SDK1: variants seen among roughly 807,000 people sequenced by gnomAD.
The protein encoded by SDK1 is protein sidekick-1.
SDK1 carries 157 observed loss-of-function variants against 245.5 expected under a neutral mutation model. That is an observed-to-expected ratio of 0.64 (90% CI 0.56 to 0.73). The LOEUF (loss-of-function observed/expected upper bound fraction) is 0.73, where lower values mean the gene tolerates loss of function less well. Among genes scored for constraint, SDK1 ranks in the 30% least tolerant of loss-of-function variants. The pLI, the probability that SDK1 is intolerant of heterozygous loss-of-function variation, is 0.00. For missense variants in SDK1, 3,583 were observed against 3,002.3 expected (o/e 1.19, Z -4.52); for synonymous variants, 1,647 against 1,278.5 (o/e 1.29, Z -6.15).
At chr7:3,584,186 T>C (rs1780607838) in intron 1 of SDK1, among the ~76,000 whole-genome samples, 1 of 152,198 alleles carries the variant, frequency 6.6e-6, no homozygotes, top group Admixed American at 6.5e-5. Flanking sequence ...GTGCTTGCTG[T>C]AAGGCTTCTT....
rs185821853 is a variant in SDK1, at chr7:3,544,151, C to A, written c.299-74929C>A. ...TAGCATCAATTTCATTTTTAAATGC[C>A]TGTGGAGACATGCTTGACTGCATAT... On this transcript the variant is annotated intron_variant, in intron 1 of 44. Transcript: ENST00000404826. Among the ~76,000 whole-genome samples, 12 of 152,264 alleles carry A rather than the reference C, an allele frequency of 7.9e-5. No individual in the cohort carries two copies. The East Asian group carries it at 2.1e-3, about 27-fold the overall frequency.
At chr7:3,642,494 C>T (rs1407081944) in intron 4 of SDK1, among the ~76,000 whole-genome samples, 2 of 151,906 alleles carry the variant, frequency 1.3e-5, no homozygotes, top group Admixed American at 1.3e-4. Context: ...TTTTTTTCCC[C>T]CTCCTTTTAT....
intron 5 of SDK1, among the ~76,000 whole-genome samples, chr7:3,830,010 G>C (rs1583457354): frequency 6.6e-6 from 1 of 152,150 alleles, no homozygotes; most frequent in African/African-American, 2.4e-5. Flanking sequence ...TGGTTGTTTT[G>C]TTATCAGTAA....
chr7:4,093,458 CAAAAA>C (rs71032922), intron 22 of SDK1, among the ~76,000 whole-genome samples: 62 of 77,762 alleles, frequency 8.0e-4, no homozygotes, highest in South Asian at 2.5e-3. Context: ...AAATGGAAAG[CAAAAA>C]AAAAAAAAAA....
chr7:4,058,050 G>C (rs574377061), intron 19 of SDK1, among the ~76,000 whole-genome samples: 1 of 151,856 alleles, frequency 6.6e-6, no homozygotes, highest in African/African-American at 2.4e-5. Flanking sequence ...TCTAGCAACA[G>C]ATTCCAATGA....
At chr7:3,906,464 A>T (rs567464752) in intron 5 of SDK1, among the ~76,000 whole-genome samples, 11 of 151,940 alleles carry the variant, frequency 7.2e-5, no homozygotes, top group African/African-American at 2.7e-4. Flanking sequence ...TGTTACATTC[A>T]TGGAACGCTC....
rs748524713 is a variant in SDK1 at position 3,951,757 on chromosome 7, G to A, written c.987G>A (p.Trp329Ter). 1.2e-6 allele frequency: 2 copies of A among 1,613,728 alleles called. No individual in the cohort carries two copies. The highest frequency in any genetic ancestry group is 1.7e-6 in the Non-Finnish European group (2 of 1,180,024). Residue 329 changes from tryptophan to a stop codon, truncating the protein, a stop_gained, in exon 7 of 45, where the codon TGG becomes TGA. Transcript: ENST00000404826. LOFTEE classifies it high-confidence loss of function. The stretch of plus-strand genomic sequence containing the variant: ...CTGTGGAGGACCTGAGTGTGACCTG[G>A]AAGAGGAATGGAGTGAGAATCACCA... ...ARPVEDLSVTWKRNGVRITSG... is the reference protein window; with the variant it reads ...ARPVEDLSVT
At chr7:3,757,109 C>G (rs1293898903) in intron 4 of SDK1, among the ~76,000 whole-genome samples, 2 of 152,134 alleles carry the variant, frequency 1.3e-5, no homozygotes, top group African/African-American at 4.8e-5. Flanking sequence ...AAACCAACTC[C>G]CAGCGTTAGC....
chr7:3,839,483 G>A (rs972581955), intron 5 of SDK1, among the ~76,000 whole-genome samples: 4 of 152,100 alleles, frequency 2.6e-5, no homozygotes, highest in East Asian at 1.9e-4. Context: ...GAATGCTGTC[G>A]AGGAATTGGG....
chr7:3,428,650 G>C (rs1010272071), intron 1 of SDK1, among the ~76,000 whole-genome samples: 6 of 152,090 alleles, frequency 3.9e-5, no homozygotes, highest in Non-Finnish European at 7.4e-5. Flanking sequence ...TGCTTAGCTT[G>C]GGCTAACCAT....
At chr7:4,070,529 G>A (rs1780181474) in intron 20 of SDK1, among the ~76,000 whole-genome samples, 1 of 152,054 alleles carries the variant, frequency 6.6e-6, no homozygotes, top group Non-Finnish European at 1.5e-5. Context: ...GTGGGAGACT[G>A]TGTTCCTACA....
At position 4,267,835 on chromosome 7, in the gene SDK1, C is replaced by T. The variant is rs978695456; in HGVS notation, c.*2451C>T. ...CGAGGCTACGCCGGCCTCCTGGCTG[C>T]TGCTGGACTGTGCTTAGGACAGCGC... On this transcript the variant is annotated 3_prime_UTR_variant, in exon 45 of 45. Transcript: ENST00000404826. 42 of 985,530 alleles carry T rather than the reference C, an allele frequency of 4.3e-5. No individual in the cohort carries two copies. The highest frequency in any genetic ancestry group is 4.7e-5 in the Non-Finnish European group (39 of 830,098). 61.0% of individuals were successfully genotyped at this position (985,530 alleles called of 1,614,324 possible).
chr7:3,516,889 G>T (rs1042007785), intron 1 of SDK1, among the ~76,000 whole-genome samples: 5 of 152,142 alleles, frequency 3.3e-5, no homozygotes, highest in African/African-American at 1.2e-4. Context: ...ATGAAAAAGT[G>T]CTCATTTCAA....
intron 4 of SDK1, among the ~76,000 whole-genome samples, chr7:3,660,275 G>A (rs1583281573): frequency 6.6e-6 from 1 of 151,914 alleles, no homozygotes; most frequent in African/African-American, 2.4e-5. Context: ...AAAGGGATGG[G>A]GTAGCCAGGA....
At chr7:3,854,609 T>C (rs1780496025) in intron 5 of SDK1, among the ~76,000 whole-genome samples, 1 of 152,226 alleles carries the variant, frequency 6.6e-6, no homozygotes, top group African/African-American at 2.4e-5. Flanking sequence ...CATGAAATTT[T>C]AGAGTCACAT....
At chr7:3,832,950 A>G (rs1277232715) in intron 5 of SDK1, among the ~76,000 whole-genome samples, 1 of 152,076 alleles carries the variant, frequency 6.6e-6, no homozygotes, top group Non-Finnish European at 1.5e-5. Context: ...TTGCCCAGGA[A>G]TAACTAGCAA....
intron 21 of SDK1, among the ~76,000 whole-genome samples, chr7:4,077,612 T>C (rs142720642): frequency 3.7e-4 from 56 of 152,258 alleles, no homozygotes; most frequent in African/African-American, 1.1e-3. Context: ...TTCCGTATGG[T>C]TGGGGAGGCC....
intron 1 of SDK1, among the ~76,000 whole-genome samples, chr7:3,419,999 T>TTGG: frequency 6.6e-6 from 1 of 152,352 alleles, no homozygotes; most frequent in South Asian, 2.1e-4. Flanking sequence ...CCTCTGTGAC[T>TTGG]GTGAAACATG....
At chr7:4,261,239 C>A (rs542699558) in intron 44 of SDK1, among the ~76,000 whole-genome samples, 1 of 152,204 alleles carries the variant, frequency 6.6e-6, no homozygotes, top group South Asian at 2.1e-4. Flanking sequence ...GCTTCCTGCC[C>A]GGGTGCTGAT....
Sources: gnomAD v4.1 joint callset for allele counts (sites outside exome capture counted in the v4.1 genomes callset) on GRCh38, gnomAD v4.1.1 for gene constraint, MANE v1.5 for transcripts, NCBI Gene and HGNC (gene_info 2026-07-23, HGNC 2026-07-21) for gene names.